Variants in EBF1 observed in about 807,000 individuals in gnomAD.
EBF1 encodes transcription factor COE1.
Under a neutral mutation model 68.4 loss-of-function variants are expected in EBF1, and 10 were observed. That is an observed-to-expected ratio of 0.15 (90% CI 0.09 to 0.25). EBF1 has a LOEUF of 0.25. Among genes scored for constraint, EBF1 ranks in the 10% least tolerant of loss-of-function variants. The pLI, the probability that EBF1 is intolerant of heterozygous loss-of-function variation, is 1.00. For synonymous variants in EBF1, 298 were observed against 299.8 expected (o/e 0.99, Z 0.06); for missense variants, 509 against 794.4 (o/e 0.64, Z 4.32).
chr5:159,026,585 G>A (rs1227487998), intron 6 of EBF1, among the ~76,000 whole-genome samples: 1 of 152,064 alleles, frequency 6.6e-6, no homozygotes, highest in African/African-American at 2.4e-5. Context: ...CGAAGTCCAG[G>A]CCTTTATTCC....
At chr5:158,940,482 G>A (rs1227245667) in intron 6 of EBF1, among the ~76,000 whole-genome samples, 2 of 152,172 alleles carry the variant, frequency 1.3e-5, no homozygotes, top group African/African-American at 4.8e-5. Flanking sequence ...GTAAACAAAA[G>A]CTTAAAGAGG....
intron 6 of EBF1, among the ~76,000 whole-genome samples, chr5:158,973,932 G>C (rs1303167751): frequency 6.6e-6 from 1 of 152,080 alleles, no homozygotes; most frequent in African/African-American, 2.4e-5. Context: ...CCACCACCTT[G>C]TACCCTGAGG....
intron 6 of EBF1, among the ~76,000 whole-genome samples, chr5:158,992,763 A>G (rs948641057): frequency 6.6e-6 from 1 of 152,118 alleles, no homozygotes. Context: ...TTTCTTTAAA[A>G]AGACATCTGG....
At chr5:158,930,884 A>AC (rs1003903856) in intron 6 of EBF1, among the ~76,000 whole-genome samples, 3 of 147,530 alleles carry the variant, frequency 2.0e-5, no homozygotes, top group African/African-American at 7.6e-5. Context: ...TTCTCAGGTT[A>AC]CCCAAAAAAA....
intron 6 of EBF1, among the ~76,000 whole-genome samples, chr5:159,015,248 G>A (rs755040302): frequency 1.3e-5 from 2 of 152,182 alleles, no homozygotes; most frequent in African/African-American, 2.4e-5. Flanking sequence ...ACAGTCCCTG[G>A]CATATCATAA....
intron 6 of EBF1, among the ~76,000 whole-genome samples, chr5:158,874,011 C>T (rs1002540648): frequency 1.3e-5 from 2 of 152,124 alleles, no homozygotes; most frequent in African/African-American, 4.8e-5. Flanking sequence ...AAATATTGAT[C>T]AGCCTAAAGA....
intron 6 of EBF1, among the ~76,000 whole-genome samples, chr5:159,065,354 G>A (rs565930355): frequency 1.3e-5 from 2 of 152,214 alleles, no homozygotes; most frequent in East Asian, 1.9e-4. Flanking sequence ...TGCACCACCC[G>A]GCAAAGGCGG....
intron 11 of EBF1, among the ~76,000 whole-genome samples, chr5:158,721,820 C>T (rs1234035890): frequency 5.9e-5 from 9 of 151,946 alleles, no homozygotes; most frequent in Admixed American, 3.3e-4. Context: ...CCAAAATGTT[C>T]GACTTTTCAA....
chr5:158,699,141 C>A lies in EBF1; in HGVS notation c.1746G>T (p.Ala582=). The change falls in exon 16 of 16, where the codon GCG becomes GCT. Residue 582 remains alanine, a splice_region_variant and synonymous_variant. Coordinates refer to ENST00000313708, the MANE Select transcript of EBF1 (RefSeq NM_024007.5). ...TAGGAGGAACAATCATGCCAGATAT[C>A]GCTATGAAAGAAAAGACAGAAGTCA... ...CTSTNGNSLQ[A]ISGMIVPPM is the part of the protein sequence containing the mutation. The A allele has an allele frequency of 1.2e-6, 2 of 1,605,756 alleles. No homozygotes were observed. The highest frequency in any genetic ancestry group is 1.1e-5 in the South Asian group (1 of 89,120).
chr5:158,943,214 A>G lies in EBF1; in HGVS notation c.555-103104T>C, dbSNP rs534297067. 5.9e-5 allele frequency among the ~76,000 whole-genome samples: 9 copies of G among 152,308 alleles called. No homozygotes were observed. In the East Asian group the frequency reaches 1.7e-3, roughly 29 times the overall value. ...ATGCAAACAGAGGCCAGAATGACAC[A>G]TAGGCTAGTCATCATTCTAACTAGA... On this transcript the variant is annotated intron_variant, in intron 6 of 15. Coordinates refer to ENST00000313708, the MANE Select transcript of EBF1 (RefSeq NM_024007.5).
At chr5:158,902,554 G>C (rs747538496) in intron 6 of EBF1, among the ~76,000 whole-genome samples, 30 of 150,136 alleles carry the variant, frequency 2.0e-4, no homozygotes, top group Non-Finnish European at 2.4e-4. Context: ...AGCCTCCCAA[G>C]TATCTAGGAC....
intron 6 of EBF1, among the ~76,000 whole-genome samples, chr5:158,972,567 C>T (rs1267889676): frequency 6.6e-6 from 1 of 152,186 alleles, no homozygotes; most frequent in Non-Finnish European, 1.5e-5. Flanking sequence ...CCTGGAATAC[C>T]CAAAGCCTGT....
intron 7 of EBF1, 140 bp from the exon 8 acceptor site, chr5:158,823,457 C>T (rs1785314250): frequency 1.2e-6 from 1 of 800,298 alleles, no homozygotes; most frequent in Non-Finnish European, 1.9e-6. Flanking sequence ...TTATGCTGTA[C>T]AAGTCTAACA....
intron 6 of EBF1, among the ~76,000 whole-genome samples, chr5:159,038,808 C>G (rs183910886): frequency 6.6e-6 from 1 of 152,172 alleles, no homozygotes; most frequent in African/African-American, 2.4e-5. Flanking sequence ...CACCCTAACT[C>G]TTCCCAGGAG....
At chr5:158,860,172 C>T (rs1045095861) in intron 6 of EBF1, among the ~76,000 whole-genome samples, 30 of 152,158 alleles carry the variant, frequency 2.0e-4, no homozygotes, top group African/African-American at 6.3e-4. Context: ...TATTTGAGTG[C>T]TTACTATGTG....
chr5:159,085,761 A>T (rs1780524227), intron 4 of EBF1, among the ~76,000 whole-genome samples: 1 of 152,124 alleles, frequency 6.6e-6, no homozygotes. Flanking sequence ...TTTATATAGT[A>T]CATATATCTT....
intron 4 of EBF1, among the ~76,000 whole-genome samples, chr5:159,088,625 C>A (rs1334568896): frequency 1.3e-5 from 2 of 152,042 alleles, no homozygotes; most frequent in Non-Finnish European, 2.9e-5. Context: ...TGGTTTAGGG[C>A]CCAGACAATG....
Position 158,701,838 on chromosome 5 carries a change from C to T in EBF1, c.1745-2696G>A, listed in dbSNP as rs559251741. ...TTGGCCCACTCCTACTTTCCTACCT[C>T]GCCTTCATCAGCCGACAGACTTCTC... On this transcript the variant is annotated intron_variant, in intron 15 of 15. Coordinates refer to ENST00000313708, the MANE Select transcript of EBF1 (RefSeq NM_024007.5). 2.4e-4 allele frequency among the ~76,000 whole-genome samples: 37 copies of T among 152,278 alleles called. No homozygotes were observed. In the South Asian group the frequency reaches 3.9e-3, roughly 16 times the overall value.
chr5:158,968,358 T>C (rs1485219303), intron 6 of EBF1, among the ~76,000 whole-genome samples: 1 of 152,220 alleles, frequency 6.6e-6, no homozygotes, highest in African/African-American at 2.4e-5. Context: ...CATTTTAACG[T>C]TATCTTGTTT....
Sources: allele counts gnomAD v4.1 joint callset (sites outside exome capture counted in the v4.1 genomes callset), GRCh38; gene constraint gnomAD v4.1.1; transcripts MANE v1.5; gene names NCBI Gene and HGNC (gene_info 2026-07-23, HGNC 2026-07-21).